PCBP3: variants seen among roughly 807,000 people sequenced by gnomAD.
The protein encoded by PCBP3 is poly(rC)-binding protein 3.
In PCBP3, 25 loss-of-function variants were observed where a neutral mutation model predicts 52.7. That is an observed-to-expected ratio of 0.47 (90% CI 0.35 to 0.66). The LOEUF is 0.66. PCBP3 is among the 30% of genes least tolerant of loss of function. The probability of loss-of-function intolerance (pLI) is 0.01; values close to 1 mark genes in which losing one functional copy is unlikely to be tolerated. For missense variants in PCBP3, 391 were observed against 490.3 expected (o/e 0.80, Z 1.91); for synonymous variants, 162 against 183.0 (o/e 0.89, Z 0.93).
chr21:45,650,966 C>T (rs2079643715), intron 1 of PCBP3, among the ~76,000 whole-genome samples: 1 of 152,086 alleles, frequency 6.6e-6, no homozygotes, highest in African/African-American at 2.4e-5. Context: ...GGCACTCAGT[C>T]CAATAGCACA....
At chr21:45,782,098 T>C (rs1447646841) in intron 4 of PCBP3, among the ~76,000 whole-genome samples, 4 of 152,164 alleles carry the variant, frequency 2.6e-5, no homozygotes, top group Non-Finnish European at 5.9e-5. Flanking sequence ...TGGAGCAAGA[T>C]AACATTGTCC....
intron 4 of PCBP3, chr21:45,762,145 C>T (rs1375087352): frequency 2.0e-5 from 3 of 152,236 alleles, no homozygotes; most frequent in African/African-American, 4.8e-5. Context: ...GGGTACCTTT[C>T]GTGGGTGGGT....
intron 15 of PCBP3, among the ~76,000 whole-genome samples, chr21:45,931,313 C>T (rs926819569): frequency 2.6e-5 from 4 of 152,226 alleles, no homozygotes; most frequent in African/African-American, 7.2e-5. Flanking sequence ...TTCCTAGGTG[C>T]CCGTGAAGAA....
chr21:45,759,703 A>T (rs1428952580), intron 4 of PCBP3: 1 of 152,208 alleles, frequency 6.6e-6, no homozygotes, highest in Non-Finnish European at 1.5e-5. Context: ...AGAAGGGGGG[A>T]CAATGGAGTA....
chr21:45,934,046 T>G (rs1156904227), intron 15 of PCBP3, among the ~76,000 whole-genome samples: 3 of 151,916 alleles, frequency 2.0e-5, no homozygotes, highest in Non-Finnish European at 2.9e-5. Context: ...ACCCCTCTGG[T>G]CTGTCTGGAA....
intron 2 of PCBP3, among the ~76,000 whole-genome samples, chr21:45,707,757 C>A (rs1243015975): frequency 6.6e-6 from 1 of 152,196 alleles, no homozygotes; most frequent in African/African-American, 2.4e-5. Context: ...AGTCCTGCTT[C>A]TCTGTGTGCT....
chr21:45,886,104 A>C (rs1268824740), intron 5 of PCBP3, among the ~76,000 whole-genome samples: 1 of 94,966 alleles, frequency 1.1e-5, no homozygotes, highest in Non-Finnish European at 2.6e-5. Flanking sequence ...TGAGGTGTGG[A>C]GGAGGCCTCA....
chr21:45,714,253 T>C (rs4818797), intron 2 of PCBP3, among the ~76,000 whole-genome samples: 36,520 of 152,152 alleles, frequency 0.24, 5,372 homozygotes, highest in African/African-American at 0.41. Flanking sequence ...GTCTCAGTGC[T>C]TATTTGACAT....
At chr21:45,751,401 A>G (rs1204495752) in intron 3 of PCBP3, 1 of 152,212 alleles carries the variant, frequency 6.6e-6, no homozygotes, top group Non-Finnish European at 1.5e-5. Context: ...GGCATTTATT[A>G]CATTCACAGT....
At chr21:45,730,952 C>T (rs79201307) in intron 2 of PCBP3, among the ~76,000 whole-genome samples, 3,121 of 151,946 alleles carry the variant, frequency 0.021, 115 homozygotes, top group African/African-American at 0.072. Context: ...TAGCTTATAG[C>T]GTGGTCTTGT....
chr21:45,857,914 T>A (rs2094363661), intron 5 of PCBP3, among the ~76,000 whole-genome samples: 1 of 152,212 alleles, frequency 6.6e-6, no homozygotes, highest in South Asian at 2.1e-4. Context: ...CTCTCCAGTG[T>A]TGACGGAGGT....
At chr21:45,833,529 C>T (rs995346927) in intron 4 of PCBP3, among the ~76,000 whole-genome samples, 1 of 152,236 alleles carries the variant, frequency 6.6e-6, no homozygotes, top group Non-Finnish European at 1.5e-5. Flanking sequence ...AGCCAACTGC[C>T]GAGGTGCTGC....
At chr21:45,856,643 C>T (rs909706205) in intron 5 of PCBP3, among the ~76,000 whole-genome samples, 4 of 152,132 alleles carry the variant, frequency 2.6e-5, no homozygotes, top group African/African-American at 4.8e-5. Context: ...TGCCTCCCGC[C>T]ATGATCGCAA....
intron 13 of PCBP3, among the ~76,000 whole-genome samples, chr21:45,924,462 C>G (rs1351263535): frequency 7.7e-6 from 1 of 130,252 alleles, no homozygotes; most frequent in Admixed American, 7.3e-5. Context: ...AAACAGCACA[C>G]GTAAGATCGG....
intron 2 of PCBP3, among the ~76,000 whole-genome samples, chr21:45,730,969 A>G (rs1373115169): frequency 6.6e-6 from 1 of 151,772 alleles, no homozygotes; most frequent in Non-Finnish European, 1.5e-5. Context: ...TTGTTTTTTT[A>G]TCAAGTCTTA....
chr21:45,665,324 C>G (rs192987999), intron 1 of PCBP3, among the ~76,000 whole-genome samples: 1 of 152,198 alleles, frequency 6.6e-6, no homozygotes, highest in East Asian at 1.9e-4. Context: ...GGGAGAATCA[C>G]TTGAGCTCAG....
intron 1 of PCBP3, among the ~76,000 whole-genome samples, chr21:45,660,895 G>A (rs1343298069): frequency 6.6e-6 from 1 of 152,126 alleles, no homozygotes; most frequent in Non-Finnish European, 1.5e-5. Flanking sequence ...ACAAAAATTA[G>A]CCGGGAGTGG....
In PCBP3 at chr21:45,911,040, G is replaced by A. The variant is rs1246393374; in HGVS notation, c.600+10G>A. The A allele has an allele frequency of 5.0e-6, 8 of 1,607,634 alleles. No individual in the cohort carries two copies. Among genetic ancestry groups the A allele is most frequent in the South Asian group, 1.1e-5 (1 of 91,090 alleles). On this transcript the variant is annotated intron_variant, in intron 11 of 17. Transcript: ENST00000681687. ...TGTGGTCATGCTGGAGGTACCGTCT[G>A]CGCGCCAGGGCCAGCCCACGTCAGT...
intron 1 of PCBP3, among the ~76,000 whole-genome samples, chr21:45,665,126 G>C (rs922602403): frequency 1.3e-5 from 2 of 151,988 alleles, no homozygotes; most frequent in Non-Finnish European, 2.9e-5. Context: ...TACTGCTGGG[G>C]TACAGTGGTT....
Sources: gnomAD v4.1 joint callset for allele counts (sites outside exome capture counted in the v4.1 genomes callset) on GRCh38, gnomAD v4.1.1 for gene constraint, MANE v1.5 for transcripts, NCBI Gene and HGNC (gene_info 2026-07-23, HGNC 2026-07-21) for gene names.